The following GP2 variants were observed in gnomAD, a reference collection of about 807,000 sequenced individuals.
GP2 encodes glycoprotein 2, also known as pancreatic secretory granule membrane major glycoprotein GP2.
Under a neutral mutation model 60.8 loss-of-function variants are expected in GP2, and 58 were observed. The observed-to-expected ratio is 0.95, with a 90% CI of 0.77 to 1.19. The LOEUF is 1.19. Among genes scored for constraint, GP2 ranks in the 50% most tolerant of loss-of-function variants. The pLI is 0.00. For synonymous variants in GP2, 280 were observed against 253.4 expected (o/e 1.10, Z -1.00); for missense variants, 647 against 667.4 (o/e 0.97, Z 0.34).
chr16:20,323,490 C>T (rs561824582), intron 3 of GP2: 9 of 618,154 alleles, frequency 1.5e-5, no homozygotes, highest in East Asian at 3.4e-5. Context: ...GCTGTACCCC[C>T]CCCCCCTTTT....
At chr16:20,325,699 G>A (rs1964512859) in intron 2 of GP2, among the ~76,000 whole-genome samples, 1 of 152,016 alleles carries the variant, frequency 6.6e-6, no homozygotes, top group Admixed American at 6.5e-5. Flanking sequence ...ACATTAAAGG[G>A]GCTTTCTAAA....
At position 20,314,522 on chromosome 16, in the gene GP2, G is replaced by A; in HGVS notation, c.1546+135C>T. ...GACTACCTCCTCCACTATACTGTGG[G>A]CATCTCAAAGGCCAATCTTAGGTCT... On this transcript the variant is annotated intron_variant, in intron 10 of 10. Coordinates refer to ENST00000302555, the MANE Select transcript of GP2 (RefSeq NM_001502.4). 6 of 728,428 alleles carry A rather than the reference G, an allele frequency of 8.2e-6. No individual in the cohort carries two copies. In the South Asian group the frequency reaches 9.5e-5, roughly 12 times the overall value. The allele number at this position is 728,428 out of a possible 1,614,324, so 45.1% of individuals were successfully genotyped here. A position where few individuals can be genotyped will look rare whatever the true frequency, so the allele number is the denominator to read the frequency against.
intron 7 of GP2, 91 bp from the exon 8 acceptor site, chr16:20,317,466 G>A (rs1394630018): frequency 7.2e-6 from 7 of 970,614 alleles, no homozygotes; most frequent in East Asian, 4.9e-5. Flanking sequence ...TCATGATAAC[G>A]TGGACTTTTT....
At chr16:20,324,386 T>C (rs1454616045) in intron 2 of GP2, 130 bp from the exon 3 acceptor site, 3 of 617,870 alleles carry the variant, frequency 4.9e-6, no homozygotes, top group African/African-American at 3.7e-5. Context: ...GGTCCATTAA[T>C]TAAACATCAA....
chr16:20,323,813 C>G lies in GP2; in HGVS notation c.535+3G>C, dbSNP rs930807778. 5.0e-6 allele frequency: 8 copies of G among 1,596,708 alleles called. No homozygotes were observed. The highest frequency in any genetic ancestry group is 6.8e-6 in the Non-Finnish European group (8 of 1,169,000). On this transcript the variant is annotated splice_donor_region_variant and intron_variant, in intron 3 of 10. Transcript: ENST00000302555. ...CTGCCTCCTCCAGGGCTCTGCTGCTCACCTGTGCAGTATCTCAGATTACAC... is the reference window on the plus strand; with the variant it reads ...CTGCCTCCTCCAGGGCTCTGCTGCTGACCTGTGCAGTATCTCAGATTACAC...
intron 9 of GP2, among the ~76,000 whole-genome samples, chr16:20,315,362 A>G (rs1964131976): frequency 1.3e-5 from 2 of 152,222 alleles, no homozygotes; most frequent in African/African-American, 4.8e-5. Flanking sequence ...GGTGGAAATA[A>G]AAACACTAAC....
rs1368173450 is a variant in GP2, at chr16:20,310,784, T to C, written c.*439A>G. 1 of 143,088 alleles carries C rather than the reference T, an allele frequency of 7.0e-6. No individual in the cohort carries two copies. The highest frequency in any genetic ancestry group is 2.3e-4 in the East Asian group (1 of 4,430). 8.9% of individuals were successfully genotyped at this position (143,088 alleles called of 1,614,324 possible). On this transcript the variant is annotated 3_prime_UTR_variant, in exon 11 of 11. Transcript: ENST00000302555. ...TTTTTTTTTTTTTCCTGAGACAGAG[T>C]CTTGCTCTGTTGCCCAGGCTGGAGT... is the stretch of plus-strand genomic sequence containing the variant.
chr16:20,316,819 C>T (rs1781226809), intron 8 of GP2, among the ~76,000 whole-genome samples: 1 of 150,594 alleles, frequency 6.6e-6, no homozygotes, highest in Non-Finnish European at 1.5e-5. Flanking sequence ...GTCTCTTCAT[C>T]CTGCTTCCTT....
At chr16:20,327,266 G>A (rs920394612) in intron 1 of GP2, 8 of 339,676 alleles carry the variant, frequency 2.4e-5, no homozygotes, top group South Asian at 7.3e-5. Context: ...GGTGGCGTCC[G>A]TAGGCCTGGA....
chr16:20,326,120 C>G (rs942895960), intron 2 of GP2: 1 of 566,774 alleles, frequency 1.8e-6, no homozygotes, highest in Non-Finnish European at 3.1e-6. Flanking sequence ...TTAACTGGCT[C>G]CCACTGCCCT....
At chr16:20,311,401 G>A (rs1245936038) in intron 10 of GP2, 120 bp from the exon 11 acceptor site, 1 of 690,170 alleles carries the variant, frequency 1.4e-6, no homozygotes, top group East Asian at 2.7e-5. Context: ...TTTGATATCT[G>A]GCCTAGTTAT....
Position 20,319,623 on chromosome 16 carries a change from A to G in GP2, c.1004T>C (p.Val335Ala). 6.2e-7 allele frequency: 1 copy of G among 1,610,724 alleles called. No homozygotes were observed. The highest frequency in any genetic ancestry group is 8.5e-7 in the Non-Finnish European group (1 of 1,176,834). Residue 335 changes from valine (V) to alanine (A), a missense_variant, in exon 6 of 11, where the codon GTA (valine) becomes GCA (alanine). By Grantham distance (64) the Val-to-Ala change is moderately conservative. Transcript: ENST00000302555. ...VSLQAALQPIVSSLNVSVDGN... is the reference protein window; with the variant it reads ...VSLQAALQPIASSLNVSVDGN... ...AGGGCAAGGGTCAATGCCATACCTT[A>G]CAATGGGCTGCAAGGCAGCTTGGAG...
chr16:20,321,744 G>A (rs1249684669), intron 4 of GP2, among the ~76,000 whole-genome samples: 2 of 152,156 alleles, frequency 1.3e-5, no homozygotes, highest in Admixed American at 6.5e-5. Flanking sequence ...AGAGCAGGGT[G>A]TGGGAGAAGG....
Position 20,315,976 on chromosome 16 carries a change from A to G in GP2, c.1481T>C (p.Leu494Ser). The change falls in exon 9 of 11, where the codon TTG becomes TCG. Residue 494 changes from leucine (L) to serine (S), a missense_variant. Physicochemically the swap from Leu to Ser is moderately radical, Grantham distance 145 (BLOSUM62 -2). Coordinates refer to ENST00000302555, the MANE Select transcript of GP2 (RefSeq NM_001502.4). ...PAIDLARVLD[L>S]GPITRRGAQS... ...CTTACCTCTCCGAGTGATGGGCCCC[A>G]AATCTAGAACCCGGGCTAGGTCGAT... The G allele has an allele frequency of 6.2e-7, 1 of 1,612,862 alleles. No homozygotes were observed. Among genetic ancestry groups the G allele is most frequent in the Middle Eastern group, 1.7e-4 (1 of 6,058 alleles).
chr16:20,318,359 T>C lies in GP2; in HGVS notation c.1079A>G (p.Tyr360Cys). ...VRMALFQDQN[Y>C]TNPYEGDAVE... ...TGCATCCCCTTCGTAAGGATTCGTG[T>C]AGTTCTGGTCTTGGAAGAGGGCCAT... The change falls in exon 7 of 11, where the codon TAC (tyrosine) becomes TGC (cysteine). Residue 360 changes from tyrosine to cysteine, a missense_variant. Transcript: ENST00000302555. 6.2e-7 allele frequency: 1 copy of C among 1,612,864 alleles called. No individual in the cohort carries two copies. The highest frequency in any genetic ancestry group is 1.1e-5 in the South Asian group (1 of 91,066).
rs754880634 is a variant in GP2 at position 20,317,313 on chromosome 16, C to G, written c.1316G>C (p.Arg439Pro). 4 of 1,613,150 alleles carry G rather than the reference C, an allele frequency of 2.5e-6. No homozygotes were observed. Among genetic ancestry groups the G allele is most frequent in the Non-Finnish European group, 3.4e-6 (4 of 1,179,166 alleles). The change falls in exon 8 of 11, where the codon CGG (arginine) becomes CCG (proline). Residue 439 changes from arginine (R) to proline (P), a missense_variant. Coordinates refer to ENST00000302555, the MANE Select transcript of GP2 (RefSeq NM_001502.4). The part of the protein sequence containing the change: ...VEENGQSSES[R>P]FSVQMFMFAG... ...AAACATGAACATCTGAACTGAGAACCGGCTTTCCGAGGACTGCCCATTCTC... is the reference window on the plus strand; with the variant it reads ...AAACATGAACATCTGAACTGAGAACGGGCTTTCCGAGGACTGCCCATTCTC...
chr16:20,314,633 G>T (rs180754654), intron 10 of GP2, 24 bp downstream of exon 10: 24 of 1,520,068 alleles, frequency 1.6e-5, no homozygotes, highest in Non-Finnish European at 2.1e-5. Context: ...AAAGCTGTGG[G>T]AAAGGCATGA....
chr16:20,318,820 T>C (rs1964260445), intron 6 of GP2, among the ~76,000 whole-genome samples: 1 of 152,120 alleles, frequency 6.6e-6, no homozygotes, highest in Non-Finnish European at 1.5e-5. Flanking sequence ...ATAAATGGCT[T>C]TCATTTTGAT....
intron 6 of GP2, among the ~76,000 whole-genome samples, chr16:20,319,202 G>A (rs1011626456): frequency 2.0e-5 from 3 of 152,022 alleles, no homozygotes; most frequent in Non-Finnish European, 4.4e-5. Context: ...ACAGGGGTCT[G>A]GAACCCCTGT....
Sources: allele counts gnomAD v4.1 joint callset (sites outside exome capture counted in the v4.1 genomes callset), GRCh38; gene constraint gnomAD v4.1.1; transcripts MANE v1.5; gene names NCBI Gene and HGNC (gene_info 2026-07-23, HGNC 2026-07-21).